Variants in DOCK3 observed in about 807,000 individuals in gnomAD.
DOCK3 encodes the protein dedicator of cytokinesis 3.
Under a neutral mutation model 265.6 loss-of-function variants are expected in DOCK3, and 60 were observed. The ratio of observed to expected loss-of-function variants is 0.23; its 90% confidence interval spans 0.18 to 0.28. The LOEUF (loss-of-function observed/expected upper bound fraction) is 0.28. DOCK3 is among the 10% of genes least tolerant of loss of function. The pLI is 1.00. For synonymous variants in DOCK3, 881 were observed against 938.0 expected (o/e 0.94, Z 1.11); for missense variants, 1,981 against 2,594.3 (o/e 0.76, Z 5.14).
intron 3 of DOCK3, among the ~76,000 whole-genome samples, chr3:50,864,811 T>TA (rs1375373181): frequency 2.0e-5 from 3 of 152,192 alleles, no homozygotes; most frequent in Admixed American, 2.0e-4. Flanking sequence ...TGTGTGTTTT[T>TA]ATGCCAGTCA....
At chr3:50,763,760 G>A (rs1256617563) in intron 1 of DOCK3, among the ~76,000 whole-genome samples, 1 of 151,972 alleles carries the variant, frequency 6.6e-6, no homozygotes, top group Admixed American at 6.6e-5. Flanking sequence ...AGTAATTTAA[G>A]TCTTCTCTCT....
rs1162517951 is a variant in DOCK3, at chr3:51,310,336, G to T, written c.3017+10G>T. 1.3e-6 allele frequency: 2 copies of T among 1,576,938 alleles called. No homozygotes were observed. The highest frequency in any genetic ancestry group is 1.7e-6 in the Non-Finnish European group (2 of 1,158,330). On this transcript the variant is annotated intron_variant, in intron 28 of 52. Transcript: ENST00000266037. ...GACTGCTCACAAGCAAGTAAGTATG[G>T]AAGGGCTCTGTATCAGCATCACTGA... is the stretch of plus-strand genomic sequence containing the variant.
At chr3:50,877,894 A>G (rs999127337) in intron 3 of DOCK3, among the ~76,000 whole-genome samples, 1 of 152,106 alleles carries the variant, frequency 6.6e-6, no homozygotes. Flanking sequence ...CTGACACCAA[A>G]TACAGCCAGG....
intron 48 of DOCK3, among the ~76,000 whole-genome samples, chr3:51,362,310 G>A (rs1408076609): frequency 6.6e-6 from 1 of 152,142 alleles, no homozygotes; most frequent in Non-Finnish European, 1.5e-5. Context: ...CTTCCTCCAT[G>A]GTCACCGTAG....
chr3:50,781,946 A>G (rs1576417502), intron 2 of DOCK3, among the ~76,000 whole-genome samples: 1 of 152,226 alleles, frequency 6.6e-6, no homozygotes, highest in African/African-American at 2.4e-5. Context: ...ATGTTCCTGC[A>G]AAGGACAGGA....
At chr3:51,375,611 C>G (rs1290828850) in intron 50 of DOCK3, 137 bp from the exon 51 acceptor site, 3 of 945,072 alleles carry the variant, frequency 3.2e-6, no homozygotes, top group African/African-American at 3.2e-5. Context: ...CTCAGTATAT[C>G]TCAAGTGTGA....
intron 22 of DOCK3, among the ~76,000 whole-genome samples, chr3:51,250,340 T>C (rs539986966): frequency 6.6e-6 from 1 of 151,840 alleles, no homozygotes; most frequent in South Asian, 2.1e-4. Flanking sequence ...AAAACTTGGC[T>C]GGCCGTGGCA....
intron 5 of DOCK3, among the ~76,000 whole-genome samples, chr3:51,020,581 T>C (rs1445884256): frequency 6.6e-6 from 1 of 151,974 alleles, no homozygotes; most frequent in East Asian, 1.9e-4. Context: ...TAGGTTGTCT[T>C]CCAGGGTTTT....
intron 3 of DOCK3, among the ~76,000 whole-genome samples, chr3:50,874,066 G>GTTTTTTTTTTTTTTTTTTTTTTTTTT (rs3043436): frequency 9.4e-6 from 1 of 106,230 alleles, no homozygotes; most frequent in African/African-American, 3.2e-5. Flanking sequence ...CTTTTCTTTT[G>GTTTTTTTTTTTTTTTTTTTTTTTTTT]TTTTTTTTTT....
At position 50,822,781 on chromosome 3, in the gene DOCK3, A is replaced by G. The variant is rs752879004; in HGVS notation, c.122-18894A>G. ...AATGCTGGGATTATAGGCATGGGCC[A>G]CTGTGCCTGGCCTTGGGTACCATTT... On this transcript the variant is annotated intron_variant, in intron 2 of 52. Coordinates refer to ENST00000266037, the MANE Select transcript of DOCK3 (RefSeq NM_004947.5). Among the ~76,000 whole-genome samples the G allele has an allele frequency of 8.2e-4, 125 of 152,210 alleles. 3 individuals carry two copies. The highest frequency in any genetic ancestry group is 7.2e-4 in the Admixed American group (11 of 15,278).
At chr3:50,771,873 C>CA (rs113200686) in intron 1 of DOCK3, among the ~76,000 whole-genome samples, 1 of 151,816 alleles carries the variant, frequency 6.6e-6, no homozygotes, top group Non-Finnish European at 1.5e-5. Context: ...AAAAACAAAA[C>CA]AAAAAACAAA....
chr3:51,090,906 A>G (rs2082613364), intron 9 of DOCK3, among the ~76,000 whole-genome samples: 1 of 152,218 alleles, frequency 6.6e-6, no homozygotes, highest in Non-Finnish European at 1.5e-5. Flanking sequence ...TACTTGCTTT[A>G]GTACTTAAAA....
chr3:51,242,083 A>C (rs1310548987), intron 21 of DOCK3, among the ~76,000 whole-genome samples: 2 of 150,448 alleles, frequency 1.3e-5, no homozygotes, highest in Non-Finnish European at 3.0e-5. Flanking sequence ...TGTCCTTTGG[A>C]TGGTTTTTTT....
chr3:50,898,365 C>G (rs1158422494), intron 4 of DOCK3, among the ~76,000 whole-genome samples: 3 of 152,096 alleles, frequency 2.0e-5, no homozygotes, highest in Non-Finnish European at 4.4e-5. Context: ...GGATTCTTCT[C>G]TCTTTTCTTC....
At chr3:51,013,933 CAGTG>C (rs2079050102) in intron 5 of DOCK3, among the ~76,000 whole-genome samples, 1 of 152,150 alleles carries the variant, frequency 6.6e-6, no homozygotes, top group East Asian at 1.9e-4. Context: ...CTGGGATTAG[CAGTG>C]AGTAAGGCTT....
At chr3:51,377,509 C>T (rs780340263) in intron 51 of DOCK3, among the ~76,000 whole-genome samples, 47 of 152,036 alleles carry the variant, frequency 3.1e-4, no homozygotes, top group Non-Finnish European at 4.7e-4. Flanking sequence ...TATGCACTGG[C>T]GGCCTCAGGC....
At chr3:50,897,997 G>C (rs2048978383) in intron 4 of DOCK3, among the ~76,000 whole-genome samples, 1 of 96,856 alleles carries the variant, frequency 1.0e-5, no homozygotes, top group South Asian at 4.2e-4. Flanking sequence ...CTCATAAAAT[G>C]AGTTAGGGAG....
intron 10 of DOCK3, among the ~76,000 whole-genome samples, chr3:51,149,405 C>G (rs1202856101): frequency 2.6e-5 from 4 of 152,232 alleles, no homozygotes; most frequent in South Asian, 2.1e-4. Flanking sequence ...AGAGGGCATC[C>G]CTGTCTTGTG....
intron 1 of DOCK3, among the ~76,000 whole-genome samples, chr3:50,766,869 A>G (rs1388511214): frequency 1.3e-5 from 2 of 152,150 alleles, no homozygotes; most frequent in Non-Finnish European, 2.9e-5. Context: ...TTCTCTTATG[A>G]CCAGTGATGA....
Sources: allele counts gnomAD v4.1 joint callset (sites outside exome capture counted in the v4.1 genomes callset), GRCh38; gene constraint gnomAD v4.1.1; transcripts MANE v1.5; gene names NCBI Gene and HGNC (gene_info 2026-07-23, HGNC 2026-07-21).